Variants in ARHGAP42 observed in about 807,000 individuals in gnomAD.
The protein encoded by ARHGAP42 is rho GTPase-activating protein 42.
Under a neutral mutation model 125.0 loss-of-function variants are expected in ARHGAP42, and 63 were observed. The observed-to-expected ratio is 0.50, with a 90% CI of 0.41 to 0.62. The LOEUF is 0.62. Among genes scored for constraint, ARHGAP42 ranks in the 20% least tolerant of loss-of-function variants. The probability of loss-of-function intolerance (pLI) is 0.00; values close to 1 mark genes in which losing one functional copy is unlikely to be tolerated. For missense variants in ARHGAP42, 766 were observed against 1,024.2 expected (o/e 0.75, Z 3.44); for synonymous variants, 339 against 351.0 (o/e 0.97, Z 0.38).
chr11:100,838,502 T>C (rs1441411108), intron 3 of ARHGAP42, among the ~76,000 whole-genome samples: 1 of 151,874 alleles, frequency 6.6e-6, no homozygotes, highest in East Asian at 1.9e-4. Flanking sequence ...AGCCCAGTAA[T>C]TCAAAACTAG....
chr11:100,837,666 C>CTATTATTTATTTTTTTTT (rs1555008871), intron 3 of ARHGAP42, among the ~76,000 whole-genome samples: 1 of 61,042 alleles, frequency 1.6e-5, no homozygotes, highest in Non-Finnish European at 3.0e-5. Flanking sequence ...AGGTGTCATC[C>CTATTATTTATTTTTTTTT]TTTTTTTTTT....
At chr11:100,739,631 G>T (rs1651924825) in intron 1 of ARHGAP42, among the ~76,000 whole-genome samples, 1 of 152,132 alleles carries the variant, frequency 6.6e-6, no homozygotes, top group Admixed American at 6.5e-5. Flanking sequence ...ATGTACGAAG[G>T]TATAATTCTG....
At chr11:100,700,897 C>T (rs1191392255) in intron 1 of ARHGAP42, among the ~76,000 whole-genome samples, 4 of 152,228 alleles carry the variant, frequency 2.6e-5, no homozygotes, top group Middle Eastern at 3.4e-3. Flanking sequence ...AATCCTTTCC[C>T]GAAGGTTTTC....
At chr11:100,844,142 C>G (rs546971417) in intron 3 of ARHGAP42, among the ~76,000 whole-genome samples, 28 of 152,084 alleles carry the variant, frequency 1.8e-4, no homozygotes, top group African/African-American at 6.5e-4. Context: ...AGAAATAGAG[C>G]CAAATACTTA....
chr11:100,739,305 G>T (rs1862130295), intron 1 of ARHGAP42, among the ~76,000 whole-genome samples: 1 of 151,720 alleles, frequency 6.6e-6, no homozygotes, highest in South Asian at 2.1e-4. Context: ...TAAAGTTCAG[G>T]ACCATTCACT....
At chr11:100,847,500 T>G (rs984123013) in intron 3 of ARHGAP42, among the ~76,000 whole-genome samples, 1 of 151,948 alleles carries the variant, frequency 6.6e-6, no homozygotes, top group Non-Finnish European at 1.5e-5. Flanking sequence ...CTATTGAAGG[T>G]TGTGGAGAGA....
chr11:100,958,728 A>G (rs1270786765), intron 12 of ARHGAP42, among the ~76,000 whole-genome samples: 2 of 152,032 alleles, frequency 1.3e-5, no homozygotes, highest in Non-Finnish European at 2.9e-5. Context: ...TTGAGAAAAT[A>G]GGCCTTATTG....
At chr11:100,971,569 A>T (rs1270714543) in intron 17 of ARHGAP42, among the ~76,000 whole-genome samples, 1 of 152,194 alleles carries the variant, frequency 6.6e-6, no homozygotes, top group Non-Finnish European at 1.5e-5. Flanking sequence ...AAAATCAGTC[A>T]TTAAAATAAT....
At chr11:100,747,202 G>A (rs1001363093) in intron 1 of ARHGAP42, among the ~76,000 whole-genome samples, 2 of 152,112 alleles carry the variant, frequency 1.3e-5, no homozygotes, top group African/African-American at 4.8e-5. Context: ...TAAATGTGGG[G>A]ACATCAAGAG....
chr11:100,970,429 T>G (rs972526775), intron 17 of ARHGAP42, among the ~76,000 whole-genome samples: 4 of 152,204 alleles, frequency 2.6e-5, no homozygotes, highest in Non-Finnish European at 5.9e-5. Context: ...AGGAGAGTTC[T>G]GTTTATTTCC....
At chr11:100,925,349 T>C (rs1482031448) in intron 6 of ARHGAP42, among the ~76,000 whole-genome samples, 2 of 152,106 alleles carry the variant, frequency 1.3e-5, no homozygotes, top group African/African-American at 4.8e-5. Flanking sequence ...AATAGCTCAT[T>C]AATACCTCTG....
intron 3 of ARHGAP42, among the ~76,000 whole-genome samples, chr11:100,836,539 A>G (rs764753214): frequency 6.6e-6 from 1 of 152,088 alleles, no homozygotes; most frequent in Non-Finnish European, 1.5e-5. Context: ...GTAGGAATCT[A>G]TGTTTCATTG....
At chr11:100,948,879 T>G (rs1300899975) in intron 11 of ARHGAP42, among the ~76,000 whole-genome samples, 12 of 152,126 alleles carry the variant, frequency 7.9e-5, no homozygotes, top group Admixed American at 7.9e-4. Flanking sequence ...GTGCTAGGCA[T>G]GTGATTAGAG....
intron 9 of ARHGAP42, among the ~76,000 whole-genome samples, chr11:100,942,586 G>C (rs1867914037): frequency 6.6e-6 from 1 of 152,126 alleles, no homozygotes; most frequent in South Asian, 2.1e-4. Flanking sequence ...TTACACTAGA[G>C]ATAATTAGTC....
intron 1 of ARHGAP42, among the ~76,000 whole-genome samples, chr11:100,713,628 A>G (rs963446323): frequency 6.6e-6 from 1 of 152,222 alleles, no homozygotes; most frequent in Non-Finnish European, 1.5e-5. Context: ...TAAATGACCG[A>G]GTAAAAAAAA....
At chr11:100,732,758 G>A (rs1203433078) in intron 1 of ARHGAP42, among the ~76,000 whole-genome samples, 1 of 152,030 alleles carries the variant, frequency 6.6e-6, no homozygotes, top group African/African-American at 2.4e-5. Flanking sequence ...TTCATTTAAG[G>A]GCTAGTAGCT....
At chr11:100,710,321 G>A (rs1200297367) in intron 1 of ARHGAP42, among the ~76,000 whole-genome samples, 2 of 151,542 alleles carry the variant, frequency 1.3e-5, no homozygotes, top group South Asian at 4.2e-4. Flanking sequence ...TCCACCTCCC[G>A]GTTGAAACGA....
At chr11:100,870,481 T>C (rs73571607) in intron 4 of ARHGAP42, among the ~76,000 whole-genome samples, 1,822 of 152,334 alleles carry the variant, frequency 0.012, 39 homozygotes, top group African/African-American at 0.041. Context: ...TATTTCATGA[T>C]ACCTAGTTTG....
intron 1 of ARHGAP42, among the ~76,000 whole-genome samples, chr11:100,756,983 T>C (rs1241738692): frequency 2.6e-5 from 4 of 152,220 alleles, no homozygotes; most frequent in African/African-American, 9.6e-5. Flanking sequence ...ATAATAAAAA[T>C]AATACTTTAA....
Sources: allele counts gnomAD v4.1 joint callset (sites outside exome capture counted in the v4.1 genomes callset), GRCh38; gene constraint gnomAD v4.1.1; transcripts MANE v1.5; gene names NCBI Gene and HGNC (gene_info 2026-07-23, HGNC 2026-07-21).